OVCH1: variants seen among roughly 807,000 people sequenced by gnomAD.
The protein encoded by OVCH1 is ovochymase-1.
A neutral mutation model predicts 138.4 loss-of-function variants in OVCH1; 139 were observed. The observed-to-expected ratio is 1.00, with a 90% confidence interval of 0.87 to 1.16. OVCH1 has a LOEUF of 1.16. Among genes scored for constraint, OVCH1 ranks in the 50% most tolerant of loss-of-function variants. OVCH1 has a pLI of 0.00. For missense variants in OVCH1, 1,367 were observed against 1,357.9 expected, an observed-to-expected ratio of 1.01 and a Z score of -0.11; for synonymous variants, 453 against 467.8, an observed-to-expected ratio of 0.97 and a Z score of 0.41.
At chr12:29,470,677 A>G (rs1942474505) in intron 16 of OVCH1, among the ~76,000 whole-genome samples, 1 of 152,170 alleles carries the variant, frequency 6.6e-6, no homozygotes, top group African/African-American at 2.4e-5. Flanking sequence ...TGCAATAAAC[A>G]TATGTGTGCA....
At chr12:29,443,671 A>G (rs1941543643) in intron 24 of OVCH1, among the ~76,000 whole-genome samples, 171 bp from the exon 25 acceptor site, 3 of 152,120 alleles carry the variant, frequency 2.0e-5, no homozygotes, top group Non-Finnish European at 4.4e-5. Flanking sequence ...AATTATATCA[A>G]CTTTATTATC....
intron 25 of OVCH1, chr12:29,440,563 C>G (rs192849077): frequency 6.1e-6 from 2 of 329,440 alleles, no homozygotes; most frequent in Non-Finnish European, 1.2e-5. Flanking sequence ...CATGCCTTCT[C>G]TTATTTAATT....
At chr12:29,479,052 A>C in intron 8 of OVCH1, 84 bp from the exon 10 acceptor site, 1 of 478,212 alleles carries the variant, frequency 2.1e-6, no homozygotes, top group Non-Finnish European at 3.6e-6. Context: ...GCTTTAGCTC[A>C]CAACTCAACA....
At chr12:29,430,392 T>G (rs1166599290) in intron 27 of OVCH1, among the ~76,000 whole-genome samples, 2 of 152,176 alleles carry the variant, frequency 1.3e-5, no homozygotes, top group African/African-American at 4.8e-5. Flanking sequence ...GTATATGCCC[T>G]CTGCAGTGAC....
the OVCH1 span, among the ~76,000 whole-genome samples, chr12:29,407,147 G>A: frequency 1.3e-5 from 2 of 151,474 alleles, no homozygotes; most frequent in South Asian, 2.1e-4. Flanking sequence ...ACTTCTTGAT[G>A]GGGTTGTTTG....
Position 29,428,747 on chromosome 12 carries a change from A to C in OVCH1, c.3328-1099T>G, listed in dbSNP as rs1213079767. 5.9e-5 allele frequency among the ~76,000 whole-genome samples: 9 copies of C among 152,332 alleles called. No individual in the cohort carries two copies. In the East Asian group the frequency reaches 1.5e-3, roughly 26 times the overall value. On this transcript the variant is annotated intron_variant, in intron 27 of 27. Coordinates refer to ENST00000318184, the Ensembl canonical transcript of OVCH1. ...GTCAAGGTCCCTGGAAAAAGAAAGCATCAAAATCCTCCTCTTGACCTGTGC... is the reference window on the plus strand; with the variant it reads ...GTCAAGGTCCCTGGAAAAAGAAAGCCTCAAAATCCTCCTCTTGACCTGTGC...
Position 29,478,984 on chromosome 12 carries a change from G to T in OVCH1, c.996-76C>A, listed in dbSNP as rs1942836778. The T allele has an allele frequency of 3.9e-6, 4 of 1,037,224 alleles. No homozygotes were observed. The Admixed American group carries it at 1.2e-4, about 32-fold the overall frequency. 64.3% of individuals were successfully genotyped at this position (1,037,224 alleles called of 1,614,324 possible). On this transcript the variant is annotated intron_variant, in intron 8 of 27. Transcript: ENST00000318184. ...AACATATAAGCTGGGGTAGGGGAAG[G>T]TGAAGAAAATGTAATAAATGGAAGA...
At chr12:29,487,496 C>T in intron 7 of OVCH1, 197 bp downstream of exon 7, 1 of 469,592 alleles carries the variant, frequency 2.1e-6, no homozygotes, top group South Asian at 5.9e-5. Flanking sequence ...AAATTTTATA[C>T]AGGGATTTGG....
intron 3 of OVCH1, among the ~76,000 whole-genome samples, chr12:29,413,211 A>G (rs1283527237): frequency 2.0e-5 from 3 of 152,022 alleles, no homozygotes; most frequent in East Asian, 3.9e-4. Context: ...AATACTATCT[A>G]TTACTCAAAA....
intron 19 of OVCH1, among the ~76,000 whole-genome samples, chr12:29,459,183 C>T (rs1942049311): frequency 6.6e-6 from 1 of 152,094 alleles, no homozygotes; most frequent in Admixed American, 6.5e-5. Flanking sequence ...ATCTGCACTC[C>T]CATGTCTATT....
chr12:29,424,640 A>G (rs1037983186), downstream of OVCH1, among the ~76,000 whole-genome samples: 5 of 152,166 alleles, frequency 3.3e-5, no homozygotes, highest in East Asian at 1.9e-4. Context: ...AACCAACTCT[A>G]TCCCTTATTA....
At chr12:29,466,477 A>G (rs1263421389) in intron 16 of OVCH1, among the ~76,000 whole-genome samples, 3 of 146,896 alleles carry the variant, frequency 2.0e-5, no homozygotes, top group Non-Finnish European at 2.9e-5. Flanking sequence ...CATATCTCAG[A>G]TCGTCATCTT....
Position 29,491,404 on chromosome 12 carries a change from G to A in OVCH1, c.455-212C>T, listed in dbSNP as rs560773492. On this transcript the variant is annotated intron_variant, in intron 4 of 27. Coordinates refer to ENST00000318184, the Ensembl canonical transcript of OVCH1. ...AAAAGTAAAACAAGGATAAACATAA[G>A]GCCAATTGTTCCGCACACCACGAGC... 5.3e-5 allele frequency among the ~76,000 whole-genome samples: 8 copies of A among 152,262 alleles called. No homozygotes were observed. The South Asian group carries it at 1.7e-3, about 32-fold the overall frequency.
chr12:29,442,236 TG>T (rs1233810904), intron 25 of OVCH1, among the ~76,000 whole-genome samples: 1 of 151,984 alleles, frequency 6.6e-6, no homozygotes, highest in Non-Finnish European at 1.5e-5. Context: ...TGTCCAACAA[TG>T]ATAGACCGGA....
At chr12:29,409,377 C>G (rs1406162782), downstream of OVCH1, among the ~76,000 whole-genome samples, 1 of 152,004 alleles carries the variant, frequency 6.6e-6, no homozygotes, top group Non-Finnish European at 1.5e-5. Context: ...TCTTACTTTT[C>G]TAGTTCTTTT....
intron 8 of OVCH1, among the ~76,000 whole-genome samples, chr12:29,485,696 A>G (rs1328240811): frequency 6.6e-6 from 1 of 151,864 alleles, no homozygotes; most frequent in African/African-American, 2.4e-5. Context: ...GAATGGCGTT[A>G]ACCCGGAAGG....
intron 27 of OVCH1, among the ~76,000 whole-genome samples, chr12:29,431,281 C>G (rs1941263305): frequency 2.6e-5 from 4 of 151,838 alleles, no homozygotes; most frequent in Admixed American, 2.6e-4. Context: ...CCAAAAAAAA[C>G]AAAAGTGCTA....
downstream of OVCH1, chr12:29,423,222 A>T (rs1389514463): frequency 2.2e-6 from 1 of 455,960 alleles, no homozygotes; most frequent in Non-Finnish European, 4.4e-6. Context: ...TCTCAGACTC[A>T]TCAGTCTTAA....
chr12:29,405,070 C>T, the OVCH1 span, among the ~76,000 whole-genome samples: 1 of 122,476 alleles, frequency 8.2e-6, no homozygotes, highest in Non-Finnish European at 1.6e-5. Context: ...AAGAAATGAT[C>T]ATGTTTGTAG....
Sources: gnomAD v4.1 joint callset for allele counts (sites outside exome capture counted in the v4.1 genomes callset) on GRCh38, gnomAD v4.1.1 for gene constraint, MANE v1.5 for transcripts, NCBI Gene and HGNC (gene_info 2026-07-23, HGNC 2026-07-21) for gene names.